Variants in SYTL3 observed in about 807,000 individuals in gnomAD.
SYTL3 encodes the protein synaptotagmin like 3.
Under a neutral mutation model 82.1 loss-of-function variants are expected in SYTL3, and 88 were observed. That is an observed-to-expected ratio of 1.07 (90% CI 0.90 to 1.28). The LOEUF (loss-of-function observed/expected upper bound fraction) is 1.28, where lower values mean the gene tolerates loss of function less well. SYTL3 is among the 50% of genes most tolerant of loss of function. SYTL3 has a pLI of 0.00. For missense variants in SYTL3, 831 were observed against 757.6 expected, an observed-to-expected ratio of 1.10 and a Z score of -1.14; for synonymous variants, 311 against 289.4, an observed-to-expected ratio of 1.07 and a Z score of -0.76.
At chr6:158,742,556 C>T (rs1787067361) in intron 11 of SYTL3, among the ~76,000 whole-genome samples, 1 of 148,654 alleles carries the variant, frequency 6.7e-6, no homozygotes, top group Non-Finnish European at 1.5e-5. Context: ...TAAGATGAAA[C>T]TGCTGGAAGC....
chr6:158,664,859 C>T (rs898248835), intron 4 of SYTL3, among the ~76,000 whole-genome samples: 2 of 151,868 alleles, frequency 1.3e-5, no homozygotes, highest in African/African-American at 4.8e-5. Context: ...TACAGTATCT[C>T]TTTGCACTAT....
intron 11 of SYTL3, among the ~76,000 whole-genome samples, chr6:158,731,550 C>T (rs899365254): frequency 2.0e-5 from 3 of 152,020 alleles, no homozygotes; most frequent in Non-Finnish European, 2.9e-5. Flanking sequence ...AAAGTTATCT[C>T]TCTTTTTCTT....
intron 11 of SYTL3, among the ~76,000 whole-genome samples, chr6:158,732,183 T>C (rs1785491665): frequency 6.6e-6 from 1 of 152,194 alleles, no homozygotes. Context: ...ATAGACTGCT[T>C]CCATAGGTCT....
chr6:158,659,518 G>C (rs1789108173), intron 2 of SYTL3, among the ~76,000 whole-genome samples: 1 of 152,070 alleles, frequency 6.6e-6, no homozygotes. Flanking sequence ...ACCAATCCTG[G>C]CTAATTTTGT....
intron 11 of SYTL3, among the ~76,000 whole-genome samples, chr6:158,729,272 C>T (rs1400207009): frequency 6.6e-6 from 1 of 152,110 alleles, no homozygotes; most frequent in Non-Finnish European, 1.5e-5. Context: ...TTCAGGATCT[C>T]AAGGCATGGA....
chr6:158,720,159 T>C (rs1420336993), intron 10 of SYTL3, among the ~76,000 whole-genome samples: 2 of 152,022 alleles, frequency 1.3e-5, no homozygotes, highest in Admixed American at 6.6e-5. Context: ...CCCAGCACTC[T>C]GGGAGGCTGA....
At chr6:158,713,935 C>A (rs1783049783) in intron 9 of SYTL3, 57 bp downstream of exon 9, 7 of 1,329,994 alleles carry the variant, frequency 5.3e-6, no homozygotes, top group Non-Finnish European at 7.4e-6. Context: ...GCCGAGCCCA[C>A]TGGCCAGGGC....
chr6:158,645,081 G>C (rs1246908916), upstream of SYTL3, among the ~76,000 whole-genome samples: 2 of 152,324 alleles, frequency 1.3e-5, no homozygotes, highest in South Asian at 4.1e-4. Context: ...TGACGCGGAC[G>C]TTCAAACCCG....
chr6:158,655,012 G>C (rs1049153575), intron 2 of SYTL3, among the ~76,000 whole-genome samples: 1 of 152,116 alleles, frequency 6.6e-6, no homozygotes, highest in Admixed American at 6.5e-5. Context: ...AGGTGAGGAC[G>C]GTGCCTGACT....
chr6:158,647,117 T>C (rs544743564), upstream of SYTL3, among the ~76,000 whole-genome samples: 1 of 152,374 alleles, frequency 6.6e-6, no homozygotes, highest in East Asian at 1.9e-4. Flanking sequence ...CTAATTTAAA[T>C]CAATTTCCTG....
chr6:158,756,795 G>A lies in SYTL3; in HGVS notation c.1138-416G>A, dbSNP rs1261023080. Among the ~76,000 whole-genome samples, 3 of 146,570 alleles carry A rather than the reference G, an allele frequency of 2.0e-5. No homozygotes were observed. The Admixed American group carries it at 2.1e-4, about 10-fold the overall frequency. ...ATTATTTTTGGCCAAGCCTGGCTGG[G>A]TGCAGTGTTTAGATGCAAGTTCAAA... On this transcript the variant is annotated intron_variant, in intron 13 of 17. Transcript: ENST00000611299.
At chr6:158,693,952 C>G (rs77555111) in intron 6 of SYTL3, among the ~76,000 whole-genome samples, 9,860 of 150,726 alleles carry the variant, frequency 0.065, 415 homozygotes, top group Middle Eastern at 0.12. Context: ...CTTGGCCTCC[C>G]AAATTGCTAA....
intron 5 of SYTL3, among the ~76,000 whole-genome samples, chr6:158,670,667 C>A (rs1327710368): frequency 2.0e-5 from 3 of 152,014 alleles, no homozygotes; most frequent in Non-Finnish European, 2.9e-5. Flanking sequence ...CCTGTAATCC[C>A]AGCTACTTGG....
In SYTL3 at chr6:158,760,255, G is replaced by A. The variant is rs1305240704; in HGVS notation, c.1309-385G>A. ...CCAGTCCTTGGCATGGAAGGGCAGCGTGAATCTCTACTGACCTGGGTGGGG... is the reference window on the plus strand; with the variant it reads ...CCAGTCCTTGGCATGGAAGGGCAGCATGAATCTCTACTGACCTGGGTGGGG... On this transcript the variant is annotated intron_variant, in intron 14 of 17. Transcript: ENST00000611299. 8.5e-5 allele frequency among the ~76,000 whole-genome samples: 13 copies of A among 152,320 alleles called. 1 individual carries two copies. Among genetic ancestry groups the A allele is most frequent in the South Asian group, 2.1e-4 (1 of 4,824 alleles).
intron 5 of SYTL3, among the ~76,000 whole-genome samples, chr6:158,680,601 A>T (rs1000592701): frequency 1.3e-5 from 2 of 148,518 alleles, no homozygotes; most frequent in African/African-American, 5.0e-5. Context: ...AAAACACAAA[A>T]ATCAGCCAGG....
chr6:158,758,582 G>C lies in SYTL3; in HGVS notation c.1308+1201G>C, dbSNP rs188662962. 7.2e-5 allele frequency among the ~76,000 whole-genome samples: 11 copies of C among 152,254 alleles called. No individual in the cohort carries two copies. The East Asian group carries it at 2.1e-3, about 29-fold the overall frequency. ...TCCGGAGCCAGCGCAGCTGGGATTC[G>C]CATTATCTCTGCCTGGAAGCTTCTC... On this transcript the variant is annotated intron_variant, in intron 14 of 17. Coordinates refer to ENST00000611299, the MANE Select transcript of SYTL3 (RefSeq NM_001242394.2).
intron 6 of SYTL3, among the ~76,000 whole-genome samples, chr6:158,696,217 T>C (rs1411995843): frequency 5.9e-5 from 9 of 152,148 alleles, no homozygotes; most frequent in Non-Finnish European, 1.3e-4. Flanking sequence ...ACTTTTTTTT[T>C]TGAGATGGAG....
intron 13 of SYTL3, 28 bp downstream of exon 13, chr6:158,752,058 A>G: frequency 6.5e-7 from 1 of 1,534,440 alleles, no homozygotes; most frequent in African/African-American, 1.4e-5. Context: ...ATTCCTGTGC[A>G]GAGTCCTCCC....
intron 4 of SYTL3, among the ~76,000 whole-genome samples, chr6:158,664,290 A>G (rs1789745482): frequency 6.6e-6 from 1 of 152,242 alleles, no homozygotes; most frequent in Non-Finnish European, 1.5e-5. Flanking sequence ...CACGCCTGTC[A>G]TCCCAGCACT....
Sources: allele counts gnomAD v4.1 joint callset (sites outside exome capture counted in the v4.1 genomes callset), GRCh38; gene constraint gnomAD v4.1.1; transcripts MANE v1.5; gene names NCBI Gene and HGNC (gene_info 2026-07-23, HGNC 2026-07-21).